The following FRMD5 variants were observed in gnomAD, a reference collection of about 807,000 sequenced individuals.
FRMD5 encodes the protein FERM domain containing 5.
Under a neutral mutation model 69.0 loss-of-function variants are expected in FRMD5, and 20 were observed. The observed-to-expected ratio is 0.29, with a 90% CI of 0.20 to 0.42. FRMD5 has a LOEUF of 0.42. FRMD5 is among the 10% of genes least tolerant of loss of function. FRMD5 has a pLI of 1.00. For synonymous variants in FRMD5, 271 were observed against 260.1 expected (o/e 1.04, Z -0.40); for missense variants, 595 against 708.6 (o/e 0.84, Z 1.82).
chr15:44,139,727 CAAAAA>C (rs71111842), intron 1 of FRMD5, among the ~76,000 whole-genome samples: 1 of 72,026 alleles, frequency 1.4e-5, no homozygotes, highest in Non-Finnish European at 2.4e-5. Flanking sequence ...CCAGTCTCTA[CAAAAA>C]AAAAAAAAAA....
chr15:44,087,812 T>C (rs1384165068), intron 1 of FRMD5, among the ~76,000 whole-genome samples: 3 of 151,892 alleles, frequency 2.0e-5, no homozygotes, highest in East Asian at 1.9e-4. Flanking sequence ...AAGGAGTAAA[T>C]TGCATTTAGG....
chr15:43,928,797 A>G (rs2089628831), intron 1 of FRMD5, among the ~76,000 whole-genome samples: 1 of 152,192 alleles, frequency 6.6e-6, no homozygotes, highest in Non-Finnish European at 1.5e-5. Flanking sequence ...TATACCGGAG[A>G]AACAGGCACT....
intron 1 of FRMD5, among the ~76,000 whole-genome samples, chr15:44,096,018 C>A (rs1388226546): frequency 6.6e-6 from 1 of 151,972 alleles, no homozygotes; most frequent in Non-Finnish European, 1.5e-5. Context: ...ACCAGCTTGA[C>A]CAACATGGAG....
chr15:44,082,497 T>C (rs769284018), intron 1 of FRMD5, among the ~76,000 whole-genome samples: 3 of 151,976 alleles, frequency 2.0e-5, no homozygotes, highest in African/African-American at 2.4e-5. Flanking sequence ...TTTGTACAAA[T>C]TGCATTCAGT....
intron 1 of FRMD5, among the ~76,000 whole-genome samples, chr15:44,049,579 A>G (rs1390609836): frequency 6.6e-6 from 1 of 152,350 alleles, no homozygotes; most frequent in South Asian, 2.1e-4. Context: ...TGAGGAATCA[A>G]TAAGAAAAAA....
chr15:43,906,169 A>G (rs1367059560), intron 5 of FRMD5, among the ~76,000 whole-genome samples: 1 of 152,220 alleles, frequency 6.6e-6, no homozygotes, highest in African/African-American at 2.4e-5. Context: ...TTGGCATTCA[A>G]GTCTATGCAG....
At chr15:44,067,657 G>C (rs922603234) in intron 1 of FRMD5, among the ~76,000 whole-genome samples, 24 of 152,086 alleles carry the variant, frequency 1.6e-4, no homozygotes, top group African/African-American at 5.8e-4. Flanking sequence ...ATTCATGATG[G>C]TGGAGCCCTC....
intron 1 of FRMD5, among the ~76,000 whole-genome samples, chr15:44,079,029 C>T (rs2140439973): frequency 6.6e-6 from 1 of 152,050 alleles, no homozygotes; most frequent in South Asian, 2.1e-4. Context: ...ATCTAATAAG[C>T]AATTGACATT....
chr15:43,891,634 G>T (rs766909295), intron 8 of FRMD5, among the ~76,000 whole-genome samples: 8 of 152,086 alleles, frequency 5.3e-5, no homozygotes, highest in South Asian at 2.1e-4. Flanking sequence ...GGCTCAACAG[G>T]GCTAACTATG....
chr15:43,999,514 C>A (rs1049342369), intron 1 of FRMD5, among the ~76,000 whole-genome samples: 1 of 152,128 alleles, frequency 6.6e-6, no homozygotes, highest in African/African-American at 2.4e-5. Context: ...TTATTATAGT[C>A]ACCATGCTGT....
intron 1 of FRMD5, among the ~76,000 whole-genome samples, chr15:44,122,540 G>A (rs1034751164): frequency 6.6e-6 from 1 of 151,326 alleles, no homozygotes; most frequent in African/African-American, 2.4e-5. Context: ...GACCGCACCA[G>A]CCTGAGCAAC....
chr15:43,895,287 G>C (rs1253258922), intron 7 of FRMD5, among the ~76,000 whole-genome samples: 1 of 152,216 alleles, frequency 6.6e-6, no homozygotes, highest in African/African-American at 2.4e-5. Flanking sequence ...TGGAAGAGTG[G>C]GGTGATCCAT....
chr15:44,010,338 A>G (rs1890655347), intron 1 of FRMD5, among the ~76,000 whole-genome samples: 2 of 152,176 alleles, frequency 1.3e-5, no homozygotes, highest in Non-Finnish European at 2.9e-5. Flanking sequence ...CTAGGATTAC[A>G]GTGATGACTA....
chr15:44,129,229 A>G (rs911263735), intron 1 of FRMD5, among the ~76,000 whole-genome samples: 1 of 152,222 alleles, frequency 6.6e-6, no homozygotes, highest in African/African-American at 2.4e-5. Flanking sequence ...TTTAAAGTCA[A>G]TTCAAGAAAC....
At chr15:43,930,339 T>C (rs905842024) in intron 1 of FRMD5, among the ~76,000 whole-genome samples, 4 of 152,190 alleles carry the variant, frequency 2.6e-5, no homozygotes, top group African/African-American at 9.7e-5. Context: ...AATACTCTCT[T>C]GAGTAGCAGG....
intron 1 of FRMD5, among the ~76,000 whole-genome samples, chr15:43,984,090 C>T (rs1267847135): frequency 6.6e-6 from 1 of 152,136 alleles, no homozygotes; most frequent in Non-Finnish European, 1.5e-5. Context: ...TAAGCATTAA[C>T]GTTGCTATTA....
chr15:44,147,347 A>G (rs898080221), intron 1 of FRMD5, among the ~76,000 whole-genome samples: 1 of 152,120 alleles, frequency 6.6e-6, no homozygotes. Context: ...TTCCACTGGT[A>G]TACATGTCTG....
intron 2 of FRMD5, among the ~76,000 whole-genome samples, chr15:43,920,996 T>C (rs2089484078): frequency 6.6e-6 from 1 of 152,182 alleles, no homozygotes; most frequent in Non-Finnish European, 1.5e-5. Flanking sequence ...CAGCTCCACA[T>C]GGATAATCTG....
chr15:44,024,950 T>C (rs1030382836), intron 1 of FRMD5, among the ~76,000 whole-genome samples: 1 of 152,220 alleles, frequency 6.6e-6, no homozygotes, highest in African/African-American at 2.4e-5. Context: ...TTTATAGGTA[T>C]GAGATCTGGA....
Sources: allele counts gnomAD v4.1 joint callset (sites outside exome capture counted in the v4.1 genomes callset), GRCh38; gene constraint gnomAD v4.1.1; transcripts MANE v1.5; gene names NCBI Gene and HGNC (gene_info 2026-07-23, HGNC 2026-07-21).